Variants in POLK observed in about 807,000 individuals in gnomAD.
POLK encodes polymerase (DNA directed) kappa.
Under a neutral mutation model 94.0 loss-of-function variants are expected in POLK, and 76 were observed. That is an observed-to-expected ratio of 0.81 (90% CI 0.67 to 0.98). The LOEUF (loss-of-function observed/expected upper bound fraction) is 0.98. Among genes scored for constraint, POLK ranks in the 50% least tolerant of loss-of-function variants. The pLI, the probability that POLK is intolerant of heterozygous loss-of-function variation, is 0.00. For missense variants in POLK, 954 were observed against 1,010.1 expected (o/e 0.94, Z 0.75); for synonymous variants, 349 against 325.4 (o/e 1.07, Z -0.78).
upstream of POLK, chr5:75,511,327 T>TGG: frequency 6.5e-7 from 1 of 1,544,726 alleles, no homozygotes; most frequent in Non-Finnish European, 8.7e-7. Context: ...CGCTCCGGTG[T>TGG]GGGGGGGAGC....
intron 3 of POLK, among the ~76,000 whole-genome samples, chr5:75,561,282 G>A (rs1292781391): frequency 1.3e-5 from 2 of 151,262 alleles, no homozygotes; most frequent in African/African-American, 2.4e-5. Flanking sequence ...GTGCTTTTTT[G>A]TTTGTTGGCT....
At chr5:75,563,141 T>C (rs1771076062) in intron 3 of POLK, among the ~76,000 whole-genome samples, 1 of 152,184 alleles carries the variant, frequency 6.6e-6, no homozygotes, top group South Asian at 2.1e-4. Flanking sequence ...GTTGTGTTTT[T>C]AGTAGAGGTG....
intron 1 of POLK, among the ~76,000 whole-genome samples, chr5:75,526,547 A>G (rs774026489): frequency 6.8e-6 from 1 of 147,240 alleles, no homozygotes; most frequent in Non-Finnish European, 1.5e-5. Flanking sequence ...ACAGAGATAA[A>G]CTTCTGATTT....
exon 13 of POLK, chr5:75,596,325 G>C: frequency 6.2e-7 from 1 of 1,612,800 alleles, no homozygotes; most frequent in South Asian, 1.1e-5. Flanking sequence ...CAGCCACTGA[G>C]TGTACATTAG....
intron 1 of POLK, among the ~76,000 whole-genome samples, chr5:75,525,421 A>T (rs2112550704): frequency 6.6e-6 from 1 of 152,334 alleles, no homozygotes; most frequent in Non-Finnish European, 1.5e-5. Flanking sequence ...GAAATGACAG[A>T]GGAATTGGTC....
chr5:75,605,947 G>A (rs1377088656), downstream of POLK, among the ~76,000 whole-genome samples: 2 of 143,442 alleles, frequency 1.4e-5, no homozygotes, highest in African/African-American at 5.2e-5. Flanking sequence ...AAGGGGAACC[G>A]GGGAACCAGC....
At chr5:75,536,778 T>C (rs963065095) in intron 1 of POLK, among the ~76,000 whole-genome samples, 12 of 152,154 alleles carry the variant, frequency 7.9e-5, no homozygotes, top group African/African-American at 2.9e-4. Flanking sequence ...TCTGGGTGTT[T>C]ACTGGGACAA....
intron 3 of POLK, among the ~76,000 whole-genome samples, chr5:75,561,175 G>C (rs945957229): frequency 3.9e-5 from 6 of 152,148 alleles, no homozygotes; most frequent in African/African-American, 1.4e-4. Context: ...TCCAGCATCT[G>C]TTGTTTCCTG....
chr5:75,552,671 GA>G, intron 3 of POLK, 80 bp downstream of exon 3: 1 of 1,283,178 alleles, frequency 7.8e-7, no homozygotes, highest in Non-Finnish European at 1.1e-6. Flanking sequence ...AGTCATAACT[GA>G]AAACAAGATG....
chr5:75,564,035 C>G (rs1771132919), intron 3 of POLK, among the ~76,000 whole-genome samples: 1 of 152,122 alleles, frequency 6.6e-6, no homozygotes, highest in Non-Finnish European at 1.5e-5. Flanking sequence ...GTCTAAGTCT[C>G]TTTGTAGGTC....
chr5:75,598,056 A>C (rs922920633), exon 15 of POLK: 3 of 807,378 alleles, frequency 3.7e-6, no homozygotes, highest in Non-Finnish European at 1.9e-6. Flanking sequence ...AATTGAAACT[A>C]GTTATTTTAT....
chr5:75,524,054 C>T (rs1289939620), intron 1 of POLK, among the ~76,000 whole-genome samples: 7 of 151,312 alleles, frequency 4.6e-5, no homozygotes, highest in Non-Finnish European at 8.8e-5. Flanking sequence ...CACTTGAAAC[C>T]GGGAGGCAGA....
At chr5:75,576,184 T>C (rs755814825) in intron 5 of POLK, among the ~76,000 whole-genome samples, 20 of 152,154 alleles carry the variant, frequency 1.3e-4, no homozygotes, top group Non-Finnish European at 2.5e-4. Context: ...ACACTATAGA[T>C]TGTCATTTTT....
chr5:75,606,080 C>G (rs1481050922), downstream of POLK, among the ~76,000 whole-genome samples: 3 of 108,832 alleles, frequency 2.8e-5, no homozygotes, highest in African/African-American at 1.1e-4. Flanking sequence ...AGAGGGTCAG[C>G]AGACAAACAC....
intron 1 of POLK, among the ~76,000 whole-genome samples, chr5:75,521,238 A>G (rs534998546): frequency 1.3e-5 from 2 of 152,222 alleles, no homozygotes; most frequent in South Asian, 2.1e-4. Context: ...TCTTAGATTT[A>G]GTCTTTTGAG....
chr5:75,606,549 A>G, the POLK span, among the ~76,000 whole-genome samples: 1 of 127,912 alleles, frequency 7.8e-6, no homozygotes, highest in Admixed American at 8.4e-5. Context: ...GGGAGTGGTG[A>G]TGACTCTTAA....
intron 6 of POLK, among the ~76,000 whole-genome samples, chr5:75,579,107 T>C (rs577133438): frequency 6.6e-6 from 1 of 152,304 alleles, no homozygotes; most frequent in East Asian, 1.9e-4. Context: ...GCTCTGATAA[T>C]GTGTGAGAAG....
intron 1 of POLK, chr5:75,538,575 C>G (rs1475318936): frequency 6.6e-6 from 1 of 152,082 alleles, no homozygotes; most frequent in Non-Finnish European, 1.5e-5. Flanking sequence ...ATCATCTCAT[C>G]AATTTTTTTT....
chr5:75,568,621 T>G (rs1168178404), intron 3 of POLK: 1 of 409,370 alleles, frequency 2.4e-6, no homozygotes, highest in Non-Finnish European at 4.8e-6. Flanking sequence ...TTGACATATA[T>G]ATTAAAGTTC....
Sources: gnomAD v4.1 joint callset for allele counts (sites outside exome capture counted in the v4.1 genomes callset) on GRCh38, gnomAD v4.1.1 for gene constraint, MANE v1.5 for transcripts, NCBI Gene and HGNC (gene_info 2026-07-23, HGNC 2026-07-21) for gene names.